GPR155: variants seen among roughly 807,000 people sequenced by gnomAD.
GPR155 encodes lysosomal cholesterol signaling protein.
GPR155 carries 65 observed loss-of-function variants against 93.1 expected under a neutral mutation model. That is an observed-to-expected ratio of 0.70 (90% confidence interval 0.57 to 0.86). The LOEUF (loss-of-function observed/expected upper bound fraction) is 0.86. GPR155 is among the 40% of genes least tolerant of loss of function. The pLI is 0.00. For synonymous variants in GPR155, 319 were observed against 360.1 expected, an observed-to-expected ratio of 0.89 and a Z score of 1.29; for missense variants, 838 against 1,034.8, an observed-to-expected ratio of 0.81 and a Z score of 2.61.
chr2:174,469,901 A>G (rs1345607504), intron 4 of GPR155, among the ~76,000 whole-genome samples: 1 of 152,278 alleles, frequency 6.6e-6, no homozygotes, highest in African/African-American at 2.4e-5. Context: ...TTGCTCTGTC[A>G]CCCAGGCTGG....
At chr2:174,475,055 G>T (rs539428846) in intron 2 of GPR155, among the ~76,000 whole-genome samples, 2 of 151,930 alleles carry the variant, frequency 1.3e-5, no homozygotes, top group Admixed American at 1.3e-4. Flanking sequence ...CAGCACTTTG[G>T]GAGGCCGAGG....
chr2:174,450,450 G>A (rs917472094), intron 11 of GPR155, among the ~76,000 whole-genome samples: 3 of 152,004 alleles, frequency 2.0e-5, no homozygotes, highest in Non-Finnish European at 4.4e-5. Flanking sequence ...TAGCAAAACT[G>A]CACACGTACC....
chr2:174,440,866 A>C (rs952448023), intron 14 of GPR155, among the ~76,000 whole-genome samples: 7 of 152,358 alleles, frequency 4.6e-5, no homozygotes, highest in Middle Eastern at 6.8e-3. Flanking sequence ...TGATAAAAAA[A>C]CCAACAATTT....
intron 7 of GPR155, among the ~76,000 whole-genome samples, chr2:174,462,791 C>T (rs1291623103): frequency 6.6e-6 from 1 of 152,172 alleles, no homozygotes; most frequent in Non-Finnish European, 1.5e-5. Flanking sequence ...TTTTGAAGTT[C>T]TTGAACTTTC....
In GPR155 at chr2:174,473,043, C is replaced by T; in HGVS notation, c.782G>A (p.Gly261Asp). 6.9e-6 allele frequency: 11 copies of T among 1,598,650 alleles called. No individual in the cohort carries two copies. The highest frequency in any genetic ancestry group is 9.4e-6 in the Non-Finnish European group (11 of 1,176,400). ...SFSGSALFYLGLTMVGKIKRL... is the reference protein window; with the variant it reads ...SFSGSALFYLDLTMVGKIKRL... ...CTTTATTTTTCCCACCATCGTGAGA[C>T]CAAGATAAAATAGGGCTGATCCAGA... The change falls in exon 3 of 16, where the codon GGT becomes GAT. Residue 261 changes from glycine (G) to aspartate (D), a missense_variant. Physicochemically the swap from Gly to Asp is moderately conservative, Grantham distance 94. Transcript: ENST00000392552.
At chr2:174,450,579 A>G (rs11686160) in intron 11 of GPR155, among the ~76,000 whole-genome samples, 28,261 of 152,264 alleles carry the variant, frequency 0.19, 3,213 homozygotes, top group Middle Eastern at 0.36. Flanking sequence ...AGTCACAGGC[A>G]TGACTCTTTT....
rs541680876 is a variant in GPR155 at position 174,471,227 on chromosome 2, C to T, written c.861-672G>A. On this transcript the variant is annotated intron_variant, in intron 3 of 15. Coordinates refer to ENST00000392552, the MANE Select transcript of GPR155 (RefSeq NM_152529.7). ...CTAACATGGTGAAACCCCATCTCTA[C>T]TAAAGATACAAAAAATTAGCCGGGC... Among the ~76,000 whole-genome samples the T allele has an allele frequency of 1.5e-3, 221 of 151,760 alleles. 1 individual carries two copies. The highest frequency in any genetic ancestry group is 2.5e-3 in the Non-Finnish European group (170 of 67,916).
chr2:174,481,396 A>G, intron 2 of GPR155, 101 bp downstream of exon 2: 1 of 725,670 alleles, frequency 1.4e-6, no homozygotes, highest in Non-Finnish European at 2.2e-6. Context: ...GAAAAAAATG[A>G]AAAACTTCTT....
intron 7 of GPR155, among the ~76,000 whole-genome samples, chr2:174,464,289 G>GA: frequency 6.6e-6 from 1 of 152,176 alleles, no homozygotes; most frequent in East Asian, 1.9e-4. Flanking sequence ...ATGCATATTT[G>GA]AAAAAAACTA....
intron 2 of GPR155, among the ~76,000 whole-genome samples, chr2:174,481,269 A>G (rs1688310949): frequency 6.6e-6 from 1 of 152,194 alleles, no homozygotes; most frequent in South Asian, 2.1e-4. Flanking sequence ...AAAAAATACA[A>G]TTAGGACTGT....
rs750236240 is a variant in GPR155, at chr2:174,470,533, T to G, written c.883A>C (p.Arg295=). The change falls in exon 4 of 16, where the codon AGA becomes CGA. Residue 295 remains arginine (R), a synonymous_variant. Coordinates refer to ENST00000392552, the MANE Select transcript of GPR155 (RefSeq NM_152529.7). ...TTGTCCAAGAGTTCCACCATTTCTC[T>G]GCACAGAAGTGGCAGCACCAGACTG... ...AKLLVLPLLC[R]EMVELLDKGD... The G allele has an allele frequency of 6.2e-7, 1 of 1,613,610 alleles. No homozygotes were observed. The highest frequency in any genetic ancestry group is 8.5e-7 in the Non-Finnish European group (1 of 1,179,922).
chr2:174,448,374 C>T (rs1332609898), intron 11 of GPR155, among the ~76,000 whole-genome samples: 1 of 151,338 alleles, frequency 6.6e-6, no homozygotes, highest in African/African-American at 2.4e-5. Context: ...GACTGTGTCT[C>T]AAAAAAAAGT....
At chr2:174,457,125 A>C (rs910816916) in intron 10 of GPR155, among the ~76,000 whole-genome samples, 1 of 152,202 alleles carries the variant, frequency 6.6e-6, no homozygotes, top group Non-Finnish European at 1.5e-5. Context: ...CAGCCTGGCC[A>C]ACATGGTGAA....
At chr2:174,472,424 C>A (rs1166675948) in intron 3 of GPR155, among the ~76,000 whole-genome samples, 1 of 151,924 alleles carries the variant, frequency 6.6e-6, no homozygotes, top group South Asian at 2.1e-4. Context: ...ACAAAAACAA[C>A]AACAACAAAA....
rs898279174 is a variant in GPR155 at position 174,433,046 on chromosome 2, A to T, written c.*3070T>A. On this transcript the variant is annotated 3_prime_UTR_variant, in exon 16 of 16. Coordinates refer to ENST00000392552, the MANE Select transcript of GPR155 (RefSeq NM_152529.7). Reference sequence around the variant, plus strand: ...CCAAAGTGCTGGGATTGCAGGTATGAACCACCGCGCCTGGCCCCCATGCAG... The same window carrying T: ...CCAAAGTGCTGGGATTGCAGGTATGTACCACCGCGCCTGGCCCCCATGCAG... 3.9e-5 allele frequency: 6 copies of T among 151,942 alleles called. No homozygotes were observed. Among genetic ancestry groups the T allele is most frequent in the African/African-American group, 7.3e-5 (3 of 41,272 alleles). 9.4% of individuals were successfully genotyped at this position (151,942 alleles called of 1,614,324 possible).
intron 3 of GPR155, among the ~76,000 whole-genome samples, chr2:174,471,012 T>C (rs1458292789): frequency 6.7e-6 from 1 of 149,478 alleles, no homozygotes; most frequent in Non-Finnish European, 1.5e-5. Flanking sequence ...GAAACTCCTG[T>C]TTTGAAAAAA....
At chr2:174,461,118 TTTAAA>T in intron 9 of GPR155, among the ~76,000 whole-genome samples, 1 of 152,196 alleles carries the variant, frequency 6.6e-6, no homozygotes, top group East Asian at 1.9e-4. Flanking sequence ...ATTAAATGGT[TTTAAA>T]TTAATCACTC....
chr2:174,469,653 A>C (rs896766109), intron 4 of GPR155, among the ~76,000 whole-genome samples: 1 of 152,162 alleles, frequency 6.6e-6, no homozygotes, highest in Non-Finnish European at 1.5e-5. Flanking sequence ...GAAATTATCA[A>C]TGATAAAATA....
rs558267349 is a variant in GPR155 at position 174,439,919 on chromosome 2, C to T, written c.2291G>A (p.Arg764Gln). ...FIHYHRDLCI[R>Q]NIVKERRCGA... ...TTACCTTCTTTCTTTGACAATGTTT[C>T]GGATACAGAGGTCACGGTGATAATG... is the stretch of plus-strand genomic sequence containing the variant. The change falls in exon 15 of 16, where the codon CGA becomes CAA. Residue 764 changes from arginine to glutamine, a missense_variant. Arg to Gln is a conservative substitution (Grantham distance 43). This residue lies in a region of GPR155 where 146 missense variants were observed against 177.5 expected (regional missense o/e 0.82). Coordinates refer to ENST00000392552, the MANE Select transcript of GPR155 (RefSeq NM_152529.7). The T allele has an allele frequency of 2.7e-5, 43 of 1,612,840 alleles. 1 individual carries two copies. The South Asian group carries it at 3.2e-4, about 12-fold the overall frequency.
Sources: allele counts gnomAD v4.1 joint callset (sites outside exome capture counted in the v4.1 genomes callset), GRCh38; gene constraint gnomAD v4.1.1; regional missense constraint gnomAD v4.1.1; transcripts MANE v1.5; gene names NCBI Gene and HGNC (gene_info 2026-07-23, HGNC 2026-07-21).